Variants in MTSS2 observed in about 807,000 individuals in gnomAD.
MTSS2 encodes the protein protein MTSS 2.
A neutral mutation model predicts 67.1 loss-of-function variants in MTSS2; 27 were observed. The ratio of observed to expected loss-of-function variants is 0.40; its 90% confidence interval spans 0.30 to 0.55. MTSS2 has a LOEUF of 0.55. Ranked by LOEUF, MTSS2 falls within the 20% of genes least tolerant of loss-of-function variation. The pLI is 0.43. For missense variants in MTSS2, 1,171 were observed against 1,067.8 expected (o/e 1.10, Z -1.35); for synonymous variants, 624 against 468.6 (o/e 1.33, Z -4.28).
Position 70,663,665 on chromosome 16 carries a change from A to G in MTSS2, c.*12T>C. The G allele has an allele frequency of 1.9e-6, 3 of 1,562,152 alleles. No individual in the cohort carries two copies. Among genetic ancestry groups the G allele is most frequent in the Non-Finnish European group, 2.6e-6 (3 of 1,154,568 alleles). ...CGCACTGGGGCCTGAGAGGATGGGG[A>G]GGGTGGCGCCATCATAAGATGCGGG... On this transcript the variant is annotated 3_prime_UTR_variant, in exon 15 of 15. Transcript: ENST00000338779.
Position 70,663,981 on chromosome 16 carries a change from C to A in MTSS2, c.1940G>T (p.Ser647Ile), listed in dbSNP as rs2052592485. ...RLSLPNTAWG[S>I]PSPEAAGYPG... ...GTACCCGGCTGCCTCTGGGGATGGGCTGCCCCAGGCTGTGTTGGGCAGGCT... is the reference window on the plus strand; with the variant it reads ...GTACCCGGCTGCCTCTGGGGATGGGATGCCCCAGGCTGTGTTGGGCAGGCT... Residue 647 changes from serine (S) to isoleucine (I), a missense_variant, in exon 15 of 15, where the codon AGC (serine) becomes ATC (isoleucine). Transcript: ENST00000338779. The A allele has an allele frequency of 1.3e-6, 2 of 1,582,284 alleles. No homozygotes were observed. The highest frequency in any genetic ancestry group is 1.7e-6 in the Non-Finnish European group (2 of 1,165,726).
intron 11 of MTSS2, 81 bp downstream of exon 11, chr16:70,674,208 TAGTCTCAACAGCTATAG>T: frequency 5.6e-6 from 1 of 178,434 alleles, no homozygotes; most frequent in Non-Finnish European, 9.3e-6. Flanking sequence ...ACAGCTATAG[TAGTCTCAACAGCTATAG>T]TAGTCCCGCA....
Position 70,664,617 on chromosome 16 carries a change from C to T in MTSS2, c.1452G>A (p.Glu484=). Residue 484 remains glutamate (E), a synonymous_variant, in exon 14 of 15, where the codon GAG becomes GAA. Coordinates refer to ENST00000338779, the MANE Select transcript of MTSS2 (RefSeq NM_138383.3). ...STQTTTPSCS[E]DTIPSQGSDY... ...GCCTGCCTTGGGAGGGGATGGTGTCCTCAGAGCAGGAGGGCGTGGTGGTCT... is the reference window on the plus strand; with the variant it reads ...GCCTGCCTTGGGAGGGGATGGTGTCTTCAGAGCAGGAGGGCGTGGTGGTCT... 1 of 1,613,068 alleles carries T rather than the reference C, an allele frequency of 6.2e-7. No individual in the cohort carries two copies. The highest frequency in any genetic ancestry group is 8.5e-7 in the Non-Finnish European group (1 of 1,179,862).
At chr16:70,669,393 G>C (rs533542539) in intron 11 of MTSS2, among the ~76,000 whole-genome samples, 2 of 152,340 alleles carry the variant, frequency 1.3e-5, no homozygotes, top group African/African-American at 4.8e-5. Flanking sequence ...TTAAAGGTAT[G>C]AAAAGGTAGC....
rs1431122703 is a variant in MTSS2, at chr16:70,664,915, C to G, written c.1305+5G>C. The stretch of plus-strand genomic sequence containing the variant: ...GGGCGTGAAGGGGGGCCCTGGCCAG[C>G]CTACCTTGGCTGCGATGGTGGCAGG... On this transcript the variant is annotated splice_donor_5th_base_variant and intron_variant, in intron 13 of 14. Coordinates refer to ENST00000338779, the MANE Select transcript of MTSS2 (RefSeq NM_138383.3). 3 of 1,540,648 alleles carry G rather than the reference C, an allele frequency of 1.9e-6. No homozygotes were observed. Among genetic ancestry groups the G allele is most frequent in the African/African-American group, 1.4e-5 (1 of 73,788 alleles).
At chr16:70,666,080 C>T (rs2052704432) in intron 11 of MTSS2, among the ~76,000 whole-genome samples, 1 of 152,150 alleles carries the variant, frequency 6.6e-6, no homozygotes, top group Admixed American at 6.5e-5. Context: ...GGGATGAGGC[C>T]ACCAGGCAGC....
chr16:70,669,563 C>T (rs2052848710), intron 11 of MTSS2, among the ~76,000 whole-genome samples: 1 of 152,082 alleles, frequency 6.6e-6, no homozygotes, highest in Non-Finnish European at 1.5e-5. Context: ...TGCCTGTAAT[C>T]CCAGCACTTT....
intron 1 of MTSS2, among the ~76,000 whole-genome samples, chr16:70,682,513 C>A (rs1345138783): frequency 6.6e-6 from 1 of 152,020 alleles, no homozygotes; most frequent in East Asian, 1.9e-4. Flanking sequence ...TTCTTAGCCC[C>A]TGAGCAGCCC....
rs185178329 is a variant in MTSS2 at position 70,676,787 on chromosome 16, C to T, written c.830+94G>A. The T allele has an allele frequency of 7.4e-5, 83 of 1,116,510 alleles. 2 individuals are homozygous for T. In the East Asian group the frequency reaches 1.8e-3, roughly 25 times the overall value. 69.2% of individuals were successfully genotyped at this position (1,116,510 alleles called of 1,614,324 possible). A position where few individuals can be genotyped will look rare whatever the true frequency, so the allele number is the denominator to read the frequency against. On this transcript the variant is annotated intron_variant, in intron 10 of 14. Transcript: ENST00000338779. ...TGTAAAAGTTGTGAATTTTGAGGCC[C>T]TGAAGCAATTTCTGATGCAATTTTG...
In MTSS2 at chr16:70,663,221, A is replaced by AGGCAGAGAGAAG. The variant is rs1267045287; in HGVS notation, c.*444_*455dup. 3 of 163,900 alleles carry AGGCAGAGAGAAG rather than the reference A, an allele frequency of 1.8e-5. No homozygotes were observed. The highest frequency in any genetic ancestry group is 7.2e-5 in the African/African-American group (3 of 41,644). 10.2% of individuals were successfully genotyped at this position (163,900 alleles called of 1,614,324 possible). On this transcript the variant is annotated 3_prime_UTR_variant, in exon 15 of 15. Coordinates refer to ENST00000338779, the MANE Select transcript of MTSS2 (RefSeq NM_138383.3). ...TCCTGGAGGGAGAGGGGCCTGGGAG[A>AGGCAGAGAGAAG]GGCAGAGAGAAGGCAAGAGGGGAGG...
chr16:70,677,112 G>T, intron 9 of MTSS2, 134 bp from the exon 10 acceptor site: 1 of 671,118 alleles, frequency 1.5e-6, no homozygotes. Context: ...CCTCCCCCAG[G>T]CTCCTCCTAA....
Position 70,680,001 on chromosome 16 carries a change from C to T in MTSS2, c.260G>A (p.Ser87Asn), listed in dbSNP as rs1353231109. 1 of 1,538,458 alleles carries T rather than the reference C, an allele frequency of 6.5e-7. No homozygotes were observed. The highest frequency in any genetic ancestry group is 8.7e-7 in the Non-Finnish European group (1 of 1,150,900). ...GAACTGCCGCAGCTTGGTCTCGATG[C>T]TGCGGTGGCGCATGCACATGCGTGT... ...ALTRMCMRHR[S>N]IETKLRQFTN... The change falls in exon 4 of 15, where the codon AGC becomes AAC. Residue 87 changes from serine (S) to asparagine (N), a missense_variant. Physicochemically the swap from Ser to Asn is conservative, Grantham distance 46. This residue lies in a region of MTSS2 where 247 missense variants were observed against 311.8 expected (regional missense o/e 0.79). Coordinates refer to ENST00000338779, the MANE Select transcript of MTSS2 (RefSeq NM_138383.3).
rs964866851 is a variant in MTSS2 at position 70,662,251 on chromosome 16, C to T, written c.*1426G>A. On this transcript the variant is annotated 3_prime_UTR_variant, in exon 15 of 15. Transcript: ENST00000338779. The stretch of plus-strand genomic sequence containing the variant: ...CCTGACCCCCAGGTAGGACCCTGCC[C>T]TGGGGCCACGATGCCCTCTGAGCCC... 9 of 152,412 alleles carry T rather than the reference C, an allele frequency of 5.9e-5. No homozygotes were observed. The highest frequency in any genetic ancestry group is 1.7e-4 in the African/African-American group (7 of 41,442). 9.4% of individuals were successfully genotyped at this position (152,412 alleles called of 1,614,324 possible).
rs1402971376 is a variant in MTSS2, at chr16:70,662,562, C to CTTAT, written c.*1111_*1114dup. 5.9e-5 allele frequency: 9 copies of CTTAT among 152,584 alleles called. No homozygotes were observed. Among genetic ancestry groups the CTTAT allele is most frequent in the African/African-American group, 9.6e-5 (4 of 41,544 alleles). The allele number at this position is 152,584 out of a possible 1,614,324, so 9.5% of individuals were successfully genotyped here. On this transcript the variant is annotated 3_prime_UTR_variant, in exon 15 of 15. Coordinates refer to ENST00000338779, the MANE Select transcript of MTSS2 (RefSeq NM_138383.3). Reference sequence around the variant, plus strand: ...GCAGACAGGCCGGGAGCCTCCCAACCTTATTTTGGCTACGCTCGAGACACT... The same window carrying CTTAT: ...GCAGACAGGCCGGGAGCCTCCCAACCTTATTTATTTTGGCTACGCTCGAGACACT...
At chr16:70,675,721 A>G (rs1054172192) in intron 10 of MTSS2, among the ~76,000 whole-genome samples, 3 of 152,188 alleles carry the variant, frequency 2.0e-5, no homozygotes, top group African/African-American at 7.2e-5. Context: ...CGGTGAGTCC[A>G]ATCATTCCTA....
chr16:70,675,337 C>T (rs1338444408), intron 10 of MTSS2, among the ~76,000 whole-genome samples: 3 of 151,914 alleles, frequency 2.0e-5, no homozygotes, highest in Admixed American at 6.5e-5. Flanking sequence ...GCAGGAGAAT[C>T]GCTTGAACCC....
chr16:70,665,438 G>T (rs1436793647), intron 12 of MTSS2, 28 bp downstream of exon 12: 1 of 1,544,524 alleles, frequency 6.5e-7, no homozygotes, highest in Non-Finnish European at 8.7e-7. Flanking sequence ...GCTGGTGACT[G>T]TCCTGGGGCC....
At chr16:70,681,431 A>G (rs2053302637) in intron 1 of MTSS2, among the ~76,000 whole-genome samples, 1 of 152,174 alleles carries the variant, frequency 6.6e-6, no homozygotes, top group Non-Finnish European at 1.5e-5. Context: ...TGCCTAGGAC[A>G]CTGGCACTGA....
At position 70,685,465 on chromosome 16, in the gene MTSS2, G is replaced by A. The variant is rs114698946; in HGVS notation, c.69+258C>T. Among the ~76,000 whole-genome samples, 7,325 of 152,180 alleles carry A rather than the reference G, an allele frequency of 0.048. 381 individuals carry two copies. Among genetic ancestry groups the A allele is most frequent in the African/African-American group, 0.14 (5,639 of 41,520 alleles). On this transcript the variant is annotated intron_variant, in intron 1 of 14. Coordinates refer to ENST00000338779, the MANE Select transcript of MTSS2 (RefSeq NM_138383.3). ...TGGCGGTCTGGGGCGCAGGGAGCCT[G>A]CGTGTGCACAGGCTCGGGTCAGGAC...
Sources: gnomAD v4.1 joint callset for allele counts (sites outside exome capture counted in the v4.1 genomes callset) on GRCh38, gnomAD v4.1.1 for gene constraint, gnomAD v4.1.1 regional missense constraint, MANE v1.5 for transcripts, NCBI Gene and HGNC (gene_info 2026-07-23, HGNC 2026-07-21) for gene names.